NT5DC1: variants seen among roughly 807,000 people sequenced by gnomAD.
NT5DC1 encodes the protein 5'-nucleotidase domain containing 1.
In NT5DC1, 42 loss-of-function variants were observed where a neutral mutation model predicts 59.4. The observed-to-expected ratio is 0.71, with a 90% CI of 0.55 to 0.92. The LOEUF is 0.92. Ranked by LOEUF, NT5DC1 falls within the 40% of genes least tolerant of loss-of-function variation. The pLI is 0.00. For missense variants in NT5DC1, 501 were observed against 537.1 expected, an observed-to-expected ratio of 0.93 and a Z score of 0.66; for synonymous variants, 172 against 188.1, an observed-to-expected ratio of 0.91 and a Z score of 0.70.
intron 2 of NT5DC1, among the ~76,000 whole-genome samples, chr6:116,107,533 G>T (rs1215014314): frequency 7.6e-6 from 1 of 131,420 alleles, no homozygotes; most frequent in Non-Finnish European, 1.6e-5. Flanking sequence ...TTCTTTTAGT[G>T]GTTTTCTTTT....
chr6:116,120,758 G>A, intron 6 of NT5DC1: 1 of 1,608,476 alleles, frequency 6.2e-7, no homozygotes, highest in Non-Finnish European at 8.5e-7. Flanking sequence ...TGGCCCAATA[G>A]GGCCTCTAGT....
intron 6 of NT5DC1, among the ~76,000 whole-genome samples, chr6:116,197,568 G>A (rs1022568631): frequency 6.6e-6 from 1 of 152,018 alleles, no homozygotes; most frequent in African/African-American, 2.4e-5. Flanking sequence ...AGTGCAGATA[G>A]AAGACAGTAT....
chr6:116,203,383 C>A (rs1342942667), intron 6 of NT5DC1, among the ~76,000 whole-genome samples: 1 of 151,960 alleles, frequency 6.6e-6, no homozygotes. Context: ...ATGCTCCCTT[C>A]TAGCCAACAT....
chr6:116,243,560 G>A (rs1032134884), intron 11 of NT5DC1, among the ~76,000 whole-genome samples: 4 of 152,086 alleles, frequency 2.6e-5, no homozygotes, highest in African/African-American at 7.2e-5. Flanking sequence ...AAATAACCTG[G>A]TACATCCCTT....
In NT5DC1 at chr6:116,100,964, G is replaced by T; in HGVS notation, c.34G>T (p.Val12Leu). 6.2e-7 allele frequency: 1 copy of T among 1,604,634 alleles called. No homozygotes were observed. Among genetic ancestry groups the T allele is most frequent in the Non-Finnish European group, 8.5e-7 (1 of 1,176,720 alleles). Residue 12 changes from valine to leucine, a missense_variant, in exon 1 of 12, where the codon GTG (valine) becomes TTG (leucine). By Grantham distance (32) the Val-to-Leu change is conservative (BLOSUM62 1). Transcript: ENST00000319550. ...GCACTTCTCCCTGGCCGCCTGCGAC[G>T]TGGTCGGATTCGACCTGGACCACAC... ...AQHFSLAACD[V>L]VGFDLDHTLC...
At chr6:116,111,569 T>C (rs932705508) in intron 4 of NT5DC1, among the ~76,000 whole-genome samples, 2 of 152,214 alleles carry the variant, frequency 1.3e-5, no homozygotes, top group Non-Finnish European at 2.9e-5. Context: ...TAATTATTAG[T>C]TTTTTTATTT....
chr6:116,112,953 G>A (rs1778907630), intron 4 of NT5DC1, among the ~76,000 whole-genome samples: 1 of 152,176 alleles, frequency 6.6e-6, no homozygotes, highest in South Asian at 2.1e-4. Flanking sequence ...GTACATTTAG[G>A]AAATTTAAAG....
intron 6 of NT5DC1, among the ~76,000 whole-genome samples, chr6:116,203,544 A>C (rs1208369104): frequency 3.3e-5 from 5 of 151,976 alleles, no homozygotes; most frequent in Non-Finnish European, 7.4e-5. Context: ...TGAATGTCAC[A>C]GTAATTCATT....
chr6:116,220,077 T>C (rs1781766442), intron 6 of NT5DC1, among the ~76,000 whole-genome samples: 1 of 146,528 alleles, frequency 6.8e-6, no homozygotes, highest in Admixed American at 6.8e-5. Context: ...ATGTATCCCA[T>C]ATCTAGCTAT....
At chr6:116,159,162 T>TTTTTGG (rs770782130) in intron 6 of NT5DC1, among the ~76,000 whole-genome samples, 1 of 152,170 alleles carries the variant, frequency 6.6e-6, no homozygotes, top group Admixed American at 6.5e-5. Flanking sequence ...CAATGTTTTG[T>TTTTTGG]TTTTGGTTTT....
At chr6:116,231,021 G>T (rs540493254) in intron 8 of NT5DC1, among the ~76,000 whole-genome samples, 2 of 149,258 alleles carry the variant, frequency 1.3e-5, no homozygotes, top group Non-Finnish European at 3.0e-5. Context: ...CAGGAAAATC[G>T]CTTGAACCCA....
chr6:116,225,251 G>A (rs2114545777), intron 8 of NT5DC1, among the ~76,000 whole-genome samples: 1 of 152,260 alleles, frequency 6.6e-6, no homozygotes, highest in African/African-American at 2.4e-5. Context: ...TATCAATTAG[G>A]AAATTGTATA....
At chr6:116,239,994 T>G (rs757553128) in intron 11 of NT5DC1, among the ~76,000 whole-genome samples, 2 of 152,122 alleles carry the variant, frequency 1.3e-5, no homozygotes, top group Non-Finnish European at 2.9e-5. Context: ...AATTAAGAAC[T>G]TAACAGATGG....
intron 6 of NT5DC1, among the ~76,000 whole-genome samples, chr6:116,155,231 C>T (rs150761614): frequency 1.4e-3 from 209 of 152,278 alleles, no homozygotes; most frequent in Non-Finnish European, 2.6e-3. Flanking sequence ...AGACAACTGT[C>T]GTGATGGTTA....
chr6:116,132,991 T>C (rs1779506495), intron 6 of NT5DC1, among the ~76,000 whole-genome samples: 1 of 152,148 alleles, frequency 6.6e-6, no homozygotes, highest in Non-Finnish European at 1.5e-5. Flanking sequence ...GAGAAATTCA[T>C]GCATAAAAAC....
chr6:116,119,445 C>T (rs540517528), intron 6 of NT5DC1: 2 of 152,620 alleles, frequency 1.3e-5, no homozygotes, highest in Admixed American at 1.3e-4. Context: ...AGATGAACTT[C>T]AATATTTTGG....
Position 116,161,152 on chromosome 6 carries a change from G to A in NT5DC1, c.529+43207G>A, listed in dbSNP as rs374864610. On this transcript the variant is annotated intron_variant, in intron 6 of 11. Coordinates refer to ENST00000319550, the MANE Select transcript of NT5DC1 (RefSeq NM_152729.3). ...TGGGAATTGAACAATGAGAACACAT[G>A]GACACAGGAAGGGGAACATCACAAT... Among the ~76,000 whole-genome samples, 801 of 143,456 alleles carry A rather than the reference G, an allele frequency of 5.6e-3. 16 individuals are homozygous for A. Among genetic ancestry groups the A allele is most frequent in the South Asian group, 0.043 (192 of 4,468 alleles). The allele number at this position is 143,456 out of a possible 152,430, so 94.1% of individuals were successfully genotyped here. A position where few individuals can be genotyped will look rare whatever the true frequency, so the allele number is the denominator to read the frequency against.
chr6:116,153,490 A>T (rs530566871), intron 6 of NT5DC1, among the ~76,000 whole-genome samples: 1 of 152,242 alleles, frequency 6.6e-6, no homozygotes, highest in African/African-American at 2.4e-5. Flanking sequence ...TATGCCATTT[A>T]TTCATTTAAT....
At chr6:116,157,100 C>T (rs1413014570) in intron 6 of NT5DC1, among the ~76,000 whole-genome samples, 1 of 152,200 alleles carries the variant, frequency 6.6e-6, no homozygotes, top group Non-Finnish European at 1.5e-5. Flanking sequence ...GCTGCAATTA[C>T]ATGGATTATT....
Sources: allele counts gnomAD v4.1 joint callset (sites outside exome capture counted in the v4.1 genomes callset), GRCh38; gene constraint gnomAD v4.1.1; transcripts MANE v1.5; gene names NCBI Gene and HGNC (gene_info 2026-07-23, HGNC 2026-07-21).